Variants in ARHGAP8 observed in about 807,000 individuals in gnomAD.
The protein encoded by ARHGAP8 is Rho GTPase activating protein 8.
In ARHGAP8, 62 loss-of-function variants were observed where a neutral mutation model predicts 46.1. That is an observed-to-expected ratio of 1.34 (90% CI 1.10 to 1.66). ARHGAP8 has a LOEUF of 1.66. Among genes scored for constraint, ARHGAP8 ranks in the 40% most tolerant of loss-of-function variants. ARHGAP8 has a pLI of 0.00. For synonymous variants in ARHGAP8, 375 were observed against 243.1 expected (o/e 1.54, Z -5.05); for missense variants, 923 against 568.4 (o/e 1.62, Z -6.34).
chr22:44,774,257 T>C (rs901827011), intron 1 of ARHGAP8, among the ~76,000 whole-genome samples: 6 of 152,200 alleles, frequency 3.9e-5, no homozygotes, highest in African/African-American at 1.2e-4. Flanking sequence ...TGGATTTTAG[T>C]CTTGGTGAAA....
chr22:44,793,164 A>G (rs1927828101), intron 2 of ARHGAP8, among the ~76,000 whole-genome samples: 1 of 152,078 alleles, frequency 6.6e-6, no homozygotes, highest in Non-Finnish European at 1.5e-5. Flanking sequence ...GTATCTTAAG[A>G]AGTGGTCATT....
rs765964755 is a variant in ARHGAP8, at chr22:44,862,571, G to A, written c.1278G>A (p.Leu426=). The change falls in exon 12 of 12, where the codon CTG becomes CTA. Residue 426 remains leucine, a synonymous_variant. Transcript: ENST00000356099. ...LTKPTLPPSP[L]MAARRRL Reference sequence around the variant, plus strand: ...AGCCTACCCTACCTCCGAGTCCCCTGATGGCAGCCAGAAGACGTCTCTAGT... The same window carrying A: ...AGCCTACCCTACCTCCGAGTCCCCTAATGGCAGCCAGAAGACGTCTCTAGT... 2.9e-5 allele frequency: 46 copies of A among 1,591,098 alleles called. No individual in the cohort carries two copies. Among genetic ancestry groups the A allele is most frequent in the Non-Finnish European group, 3.8e-5 (44 of 1,163,556 alleles).
At chr22:44,755,587 A>G (rs1924604466) in intron 1 of ARHGAP8, among the ~76,000 whole-genome samples, 4 of 152,158 alleles carry the variant, frequency 2.6e-5, no homozygotes, top group Admixed American at 2.0e-4. Context: ...GCTGCTCCGG[A>G]GTCCTGCCCC....
chr22:44,810,096 C>T (rs1356637811), intron 4 of ARHGAP8, among the ~76,000 whole-genome samples: 2 of 152,186 alleles, frequency 1.3e-5, no homozygotes, highest in Admixed American at 6.5e-5. Context: ...CCCTTCCCTG[C>T]AGCCTCACTG....
chr22:44,768,553 C>T (rs777852085), intron 1 of ARHGAP8, among the ~76,000 whole-genome samples: 23 of 151,858 alleles, frequency 1.5e-4, no homozygotes, highest in Admixed American at 7.9e-4. Context: ...GCACTTCTCC[C>T]GCCTCAGCCT....
chr22:44,839,264 A>C (rs1459278755), intron 7 of ARHGAP8, among the ~76,000 whole-genome samples: 7 of 152,170 alleles, frequency 4.6e-5, no homozygotes, highest in African/African-American at 1.4e-4. Context: ...GGACCTCCTG[A>C]AGGTCACGCC....
At chr22:44,819,140 C>T (rs1929954693) in intron 5 of ARHGAP8, among the ~76,000 whole-genome samples, 1 of 152,338 alleles carries the variant, frequency 6.6e-6, no homozygotes, top group African/African-American at 2.4e-5. Flanking sequence ...GCCATCACGG[C>T]TCACTGTAGC....
At chr22:44,825,848 C>T (rs1432167490) in intron 7 of ARHGAP8, among the ~76,000 whole-genome samples, 1 of 112,178 alleles carries the variant, frequency 8.9e-6, no homozygotes, top group Non-Finnish European at 1.7e-5. Context: ...TTGGGGGGCG[C>T]GTGCTCGCTG....
In ARHGAP8 at chr22:44,855,223, A is replaced by AT. The variant is rs200308875; in HGVS notation, c.878-4499dup. Among the ~76,000 whole-genome samples, 340 of 151,672 alleles carry AT rather than the reference A, an allele frequency of 2.2e-3. 2 individuals are homozygous for AT. The highest frequency in any genetic ancestry group is 7.7e-3 in the African/African-American group (319 of 41,366). On this transcript the variant is annotated intron_variant, in intron 10 of 11. Coordinates refer to ENST00000356099, the MANE Select transcript of ARHGAP8 (RefSeq NM_181335.3). ...ACATAGATCTGCAAAGAAAAAAAGA[A>AT]TTTTTTTTTAAGACAGGGTCTCCTT...
intron 7 of ARHGAP8, among the ~76,000 whole-genome samples, chr22:44,837,204 C>G (rs1931346003): frequency 6.6e-6 from 1 of 152,178 alleles, no homozygotes; most frequent in African/African-American, 2.4e-5. Flanking sequence ...TTTAATTAGT[C>G]ACAATTTCTC....
At chr22:44,860,911 G>A (rs1048295432) in intron 11 of ARHGAP8, among the ~76,000 whole-genome samples, 2 of 152,264 alleles carry the variant, frequency 1.3e-5, no homozygotes, top group Admixed American at 1.3e-4. Context: ...CCCAGAGTCT[G>A]TTGGAGAATG....
intron 2 of ARHGAP8, among the ~76,000 whole-genome samples, chr22:44,801,384 G>T (rs556586772): frequency 1.6e-5 from 2 of 122,812 alleles, no homozygotes; most frequent in Admixed American, 1.7e-4. Context: ...ACCTCTCCCC[G>T]CAGCTGTCCA....
intron 11 of ARHGAP8, among the ~76,000 whole-genome samples, chr22:44,860,618 G>T (rs961217068): frequency 8.1e-6 from 1 of 122,886 alleles, no homozygotes; most frequent in East Asian, 2.7e-4. Flanking sequence ...CTATCTTAGA[G>T]GGGCCACCAT....
At chr22:44,809,155 AT>A (rs752451707) in intron 4 of ARHGAP8, 19 of 470,934 alleles carry the variant, frequency 4.0e-5, no homozygotes, top group South Asian at 2.9e-4. Context: ...GACAGTCAGC[AT>A]TTTAGCTTTG....
At chr22:44,789,844 G>A (rs1927533870) in intron 2 of ARHGAP8, among the ~76,000 whole-genome samples, 2 of 152,074 alleles carry the variant, frequency 1.3e-5, no homozygotes, top group East Asian at 1.9e-4. Flanking sequence ...CTTAAAGTCC[G>A]ATTTTTCTGA....
chr22:44,815,914 G>A (rs1929706025), intron 5 of ARHGAP8, among the ~76,000 whole-genome samples: 1 of 151,514 alleles, frequency 6.6e-6, no homozygotes, highest in South Asian at 2.1e-4. Context: ...CCCTCCCTGG[G>A]TGAGTTCTGC....
intron 1 of ARHGAP8, among the ~76,000 whole-genome samples, chr22:44,761,090 T>C (rs1334496793): frequency 6.6e-6 from 1 of 152,232 alleles, no homozygotes; most frequent in Non-Finnish European, 1.5e-5. Context: ...TACCAGGCCC[T>C]GTACTAGGCA....
intron 1 of ARHGAP8, among the ~76,000 whole-genome samples, chr22:44,766,553 G>T (rs773395371): frequency 1.3e-5 from 2 of 151,966 alleles, no homozygotes; most frequent in Non-Finnish European, 2.9e-5. Context: ...TCTGCATGTG[G>T]GCATGCGTGT....
intron 2 of ARHGAP8, among the ~76,000 whole-genome samples, chr22:44,794,535 C>T (rs1292099063): frequency 6.6e-6 from 1 of 152,006 alleles, no homozygotes; most frequent in African/African-American, 2.4e-5. Context: ...ATGGCGAAAC[C>T]TCATCTCTAC....
Sources: gnomAD v4.1 joint callset for allele counts (sites outside exome capture counted in the v4.1 genomes callset) on GRCh38, gnomAD v4.1.1 for gene constraint, MANE v1.5 for transcripts, NCBI Gene and HGNC (gene_info 2026-07-23, HGNC 2026-07-21) for gene names.